AHCYL2: variants seen among roughly 807,000 people sequenced by gnomAD.
The protein encoded by AHCYL2 is adenosylhomocysteinase like 2, also known as S-adenosylhomocysteine hydrolase-like protein 2.
A neutral mutation model predicts 81.4 loss-of-function variants in AHCYL2; 28 were observed. That is an observed-to-expected ratio of 0.34 (90% CI 0.25 to 0.47). The LOEUF is 0.47. Among genes scored for constraint, AHCYL2 ranks in the 20% least tolerant of loss-of-function variants. AHCYL2 has a pLI of 1.00. For missense variants in AHCYL2, 551 were observed against 785.1 expected (o/e 0.70, Z 3.56); for synonymous variants, 272 against 290.2 (o/e 0.94, Z 0.64).
At chr7:129,412,699 G>A (rs1184613688) in intron 11 of AHCYL2, among the ~76,000 whole-genome samples, 1 of 152,112 alleles carries the variant, frequency 6.6e-6, no homozygotes, top group Non-Finnish European at 1.5e-5. Context: ...TTTTGATATT[G>A]CCATCCTAGT....
At chr7:129,378,654 T>A (rs1409871585) in intron 1 of AHCYL2, among the ~76,000 whole-genome samples, 2 of 152,246 alleles carry the variant, frequency 1.3e-5, no homozygotes, top group Non-Finnish European at 2.9e-5. Flanking sequence ...AAAGGCTTTT[T>A]AAAAATTATT....
intron 1 of AHCYL2, among the ~76,000 whole-genome samples, chr7:129,280,574 C>T (rs918006742): frequency 6.6e-5 from 10 of 152,234 alleles, no homozygotes; most frequent in South Asian, 6.2e-4. Flanking sequence ...GACAGTTTTA[C>T]GACTCGCTTT....
rs1489311028 is a variant in AHCYL2 at position 129,269,700 on chromosome 7, T to G, written c.363+44261T>G. 2.6e-5 allele frequency among the ~76,000 whole-genome samples: 4 copies of G among 152,288 alleles called. No individual in the cohort carries two copies. In the East Asian group the frequency reaches 7.7e-4, roughly 29 times the overall value. Reference sequence around the variant, plus strand: ...GCCCTCCTGCCTAAGCCTCTCAAAGTGTAGCCACCATATCCGGCCCTAAAT... The same window carrying G: ...GCCCTCCTGCCTAAGCCTCTCAAAGGGTAGCCACCATATCCGGCCCTAAAT... On this transcript the variant is annotated intron_variant, in intron 1 of 16. Transcript: ENST00000325006.
intron 1 of AHCYL2, among the ~76,000 whole-genome samples, chr7:129,349,041 C>T (rs1349430557): frequency 6.6e-6 from 1 of 152,172 alleles, no homozygotes. Context: ...GAGACTCTGG[C>T]TGACTTTTAT....
Position 129,388,355 on chromosome 7 carries a change from A to C in AHCYL2, c.476-701A>C, listed in dbSNP as rs963305753. On this transcript the variant is annotated intron_variant, in intron 2 of 16. Transcript: ENST00000325006. ...CGATAAAAAGTTTTAGGCCTTTCAC[A>C]CTCTAGTATATGTTGCTAAATGGAT... 5 of 152,106 alleles carry C rather than the reference A, an allele frequency of 3.3e-5. No individual in the cohort carries two copies. The East Asian group carries it at 9.6e-4, about 29-fold the overall frequency. The allele number at this position is 152,106 out of a possible 1,614,324, so 9.4% of individuals were successfully genotyped here. A position where few individuals can be genotyped will look rare whatever the true frequency, so the allele number is the denominator to read the frequency against.
In AHCYL2 at chr7:129,368,066, C is replaced by T; in HGVS notation, c.364-11572C>T. On this transcript the variant is annotated intron_variant, in intron 1 of 16. Transcript: ENST00000325006. The surrounding 1 kb of genome is among the most constrained non-coding windows in gnomAD (Gnocchi z 4.4). ...TCTTTATTGATCTTGGTATCCGCACCTCCAGTGACGTGTCCTGAAGGGTGG... is the reference window on the plus strand; with the variant it reads ...TCTTTATTGATCTTGGTATCCGCACTTCCAGTGACGTGTCCTGAAGGGTGG... The T allele has an allele frequency of 1.0e-6, 1 of 986,650 alleles. No individual in the cohort carries two copies. The highest frequency in any genetic ancestry group is 1.2e-6 in the Non-Finnish European group (1 of 829,434). 61.1% of individuals were successfully genotyped at this position (986,650 alleles called of 1,614,324 possible). A position where few individuals can be genotyped will look rare whatever the true frequency, so the allele number is the denominator to read the frequency against.
chr7:129,333,669 A>G (rs900747356), intron 1 of AHCYL2, among the ~76,000 whole-genome samples: 3 of 152,214 alleles, frequency 2.0e-5, no homozygotes, highest in African/African-American at 7.2e-5. Context: ...TTGGAAGTCA[A>G]TCAGCATCAG....
At chr7:129,342,792 C>T (rs1349617813) in intron 1 of AHCYL2, among the ~76,000 whole-genome samples, 1 of 152,182 alleles carries the variant, frequency 6.6e-6, no homozygotes, top group Non-Finnish European at 1.5e-5. Flanking sequence ...CTGTTCACCA[C>T]AGGCAGTCAT....
At chr7:129,269,303 T>G (rs1163748988) in intron 1 of AHCYL2, among the ~76,000 whole-genome samples, 1 of 151,782 alleles carries the variant, frequency 6.6e-6, no homozygotes, top group African/African-American at 2.4e-5. Flanking sequence ...TTTTTTTTTT[T>G]GAGACAGAGT....
At chr7:129,303,233 A>G (rs766902514) in intron 1 of AHCYL2, among the ~76,000 whole-genome samples, 22 of 152,164 alleles carry the variant, frequency 1.4e-4, no homozygotes, top group Non-Finnish European at 2.5e-4. Context: ...TCCCAACCTC[A>G]GGTGATCTGC....
intron 1 of AHCYL2, among the ~76,000 whole-genome samples, chr7:129,327,308 A>G (rs1167022206): frequency 6.6e-6 from 1 of 152,196 alleles, no homozygotes; most frequent in Non-Finnish European, 1.5e-5. Flanking sequence ...CTGCAAGCCA[A>G]GAAGTGGGAC....
At chr7:129,372,198 C>CA (rs1254525148) in intron 1 of AHCYL2, among the ~76,000 whole-genome samples, 2 of 152,162 alleles carry the variant, frequency 1.3e-5, no homozygotes, top group Non-Finnish European at 2.9e-5. Flanking sequence ...ATGTAGTTTT[C>CA]AAAACCCTCT....
intron 1 of AHCYL2, among the ~76,000 whole-genome samples, chr7:129,233,137 T>A (rs1403084869): frequency 6.6e-6 from 1 of 152,204 alleles, no homozygotes; most frequent in Non-Finnish European, 1.5e-5. Flanking sequence ...TACATTTCTC[T>A]AGTTCACTTT....
Position 129,340,976 on chromosome 7 carries a change from T to G in AHCYL2, c.364-38662T>G, listed in dbSNP as rs140698647. On this transcript the variant is annotated intron_variant, in intron 1 of 16. Transcript: ENST00000325006. The stretch of plus-strand genomic sequence containing the variant: ...TTGAAATCAGTATATAATTTTCCTT[T>G]GTTGTACTGCCCTTGTCTGGTTTTG... Among the ~76,000 whole-genome samples, 609 of 152,336 alleles carry G rather than the reference T, an allele frequency of 4.0e-3. 7 individuals are homozygous for G. The highest frequency in any genetic ancestry group is 0.014 in the African/African-American group (580 of 41,578).
chr7:129,293,716 A>G (rs1796953174), intron 1 of AHCYL2, among the ~76,000 whole-genome samples: 1 of 152,334 alleles, frequency 6.6e-6, no homozygotes, highest in East Asian at 1.9e-4. Context: ...AATGATAAAA[A>G]TTGCAACAAT....
chr7:129,317,171 G>C (rs1488242542), intron 1 of AHCYL2, among the ~76,000 whole-genome samples: 2 of 152,128 alleles, frequency 1.3e-5, no homozygotes, highest in Non-Finnish European at 2.9e-5. Flanking sequence ...TTTTTAAAAA[G>C]CTTATATCTC....
intron 11 of AHCYL2, among the ~76,000 whole-genome samples, chr7:129,410,534 C>T (rs1413222065): frequency 1.3e-5 from 2 of 152,152 alleles, no homozygotes; most frequent in African/African-American, 2.4e-5. Flanking sequence ...CTTTTCAAGC[C>T]GACCTAGCCC....
At position 129,401,616 on chromosome 7, in the gene AHCYL2, G is replaced by A. The variant is rs193009672; in HGVS notation, c.918+1232G>A. On this transcript the variant is annotated intron_variant, in intron 6 of 16. Coordinates refer to ENST00000325006, the MANE Select transcript of AHCYL2 (RefSeq NM_015328.4). ...TTAGAGCTTCATATCCTAAAGGGGT[G>A]GGGGAGCAGAGTTGACAGTGGCTGT... 1.9e-3 allele frequency among the ~76,000 whole-genome samples: 283 copies of A among 152,282 alleles called. 4 individuals are homozygous for A. Among genetic ancestry groups the A allele is most frequent in the Non-Finnish European group, 2.5e-3 (167 of 68,012 alleles).
In AHCYL2 at chr7:129,428,124, A is replaced by G. The variant is rs1302363766; in HGVS notation, c.*1079A>G. ...CAGTTTGACTGGCTGAGGGATACAG[A>G]GATGAAATTGTAAACTGTATCCAGA... On this transcript the variant is annotated 3_prime_UTR_variant, in exon 17 of 17. Transcript: ENST00000325006. 2 of 152,220 alleles carry G rather than the reference A, an allele frequency of 1.3e-5. No homozygotes were observed. Among genetic ancestry groups the G allele is most frequent in the Non-Finnish European group, 2.9e-5 (2 of 68,040 alleles). The allele number at this position is 152,220 out of a possible 1,614,324, so 9.4% of individuals were successfully genotyped here.
Sources: allele counts gnomAD v4.1 joint callset (sites outside exome capture counted in the v4.1 genomes callset), GRCh38; gene constraint gnomAD v4.1.1; non-coding constraint Gnocchi (gnomAD v3.1); transcripts MANE v1.5; gene names NCBI Gene and HGNC (gene_info 2026-07-23, HGNC 2026-07-21).